RCHY1: variants seen among roughly 807,000 people sequenced by gnomAD.
RCHY1 encodes RING finger and CHY zinc finger domain-containing protein 1.
RCHY1 carries 21 observed loss-of-function variants against 41.6 expected under a neutral mutation model. That is an observed-to-expected ratio of 0.51 (90% CI 0.36 to 0.73). The LOEUF (loss-of-function observed/expected upper bound fraction) is 0.73, where lower values mean the gene tolerates loss of function less well. Among genes scored for constraint, RCHY1 ranks in the 30% least tolerant of loss-of-function variants. The pLI is 0.00. For synonymous variants in RCHY1, 79 were observed against 102.9 expected, an observed-to-expected ratio of 0.77 and a Z score of 1.41; for missense variants, 265 against 325.3, an observed-to-expected ratio of 0.81 and a Z score of 1.43.
At chr4:75,503,320 T>C (rs748572688) in intron 3 of RCHY1, among the ~76,000 whole-genome samples, 13 of 152,022 alleles carry the variant, frequency 8.6e-5, no homozygotes, top group Admixed American at 2.6e-4. Context: ...AAGCAATAAA[T>C]CAGATTATGA....
At chr4:75,491,569 G>A (rs2045863) in intron 7 of RCHY1, 42 bp downstream of exon 7, 947,518 of 1,561,580 alleles carry the variant, frequency 0.61, 289,718 homozygotes, top group African/African-American at 0.78. Flanking sequence ...ACACAAAAAA[G>A]TCAAACATCT....
chr4:75,502,902 GAGTCCGC>G (rs1723922727), intron 3 of RCHY1, among the ~76,000 whole-genome samples: 1 of 151,854 alleles, frequency 6.6e-6, no homozygotes, highest in Non-Finnish European at 1.5e-5. Flanking sequence ...AGGCATTAAA[GAGTCCGC>G]AGATACCTTC....
chr4:75,500,560 A>G (rs534225371), intron 3 of RCHY1, among the ~76,000 whole-genome samples: 2 of 152,324 alleles, frequency 1.3e-5, no homozygotes, highest in South Asian at 4.1e-4. Context: ...ATCAGGAATA[A>G]TACACTATTA....
At chr4:75,493,937 T>C (rs1166203938) in intron 4 of RCHY1, among the ~76,000 whole-genome samples, 164 bp downstream of exon 4, 4 of 151,846 alleles carry the variant, frequency 2.6e-5, no homozygotes, top group African/African-American at 7.2e-5. Context: ...TATTCTGAGG[T>C]ACATATTTTA....
At chr4:75,489,629 C>T (rs565206636) in intron 8 of RCHY1, among the ~76,000 whole-genome samples, 1 of 152,250 alleles carries the variant, frequency 6.6e-6, no homozygotes, top group African/African-American at 2.4e-5. Context: ...CACTGGAAGG[C>T]CTGTATACCT....
At chr4:75,506,868 G>T (rs755446859) in intron 3 of RCHY1, among the ~76,000 whole-genome samples, 1 of 151,940 alleles carries the variant, frequency 6.6e-6, no homozygotes, top group Non-Finnish European at 1.5e-5. Flanking sequence ...AACAACCAAT[G>T]ACTTAAAAAA....
intron 8 of RCHY1, 51 bp downstream of exon 8, chr4:75,490,530 T>TA (rs1247188724): frequency 2.0e-6 from 3 of 1,515,196 alleles, no homozygotes; most frequent in Non-Finnish European, 2.7e-6. Flanking sequence ...AGGGCAAAAA[T>TA]AAGAGTGCCA....
intron 6 of RCHY1, 27 bp from the exon 7 acceptor site, chr4:75,491,664 G>A: frequency 5.0e-6 from 8 of 1,600,548 alleles, no homozygotes; most frequent in African/African-American, 1.3e-5. Context: ...GATTATTTTA[G>A]TAAAACAAAA....
intron 8 of RCHY1, among the ~76,000 whole-genome samples, chr4:75,487,279 T>TG (rs59144786): frequency 6.7e-6 from 1 of 150,310 alleles, no homozygotes; most frequent in African/African-American, 2.4e-5. Context: ...TGTTTACTTT[T>TG]GGGTAAATTT....
chr4:75,495,508 G>A (rs1723118464), intron 3 of RCHY1, among the ~76,000 whole-genome samples: 1 of 151,976 alleles, frequency 6.6e-6, no homozygotes, highest in African/African-American at 2.4e-5. Context: ...GAACAGAAGA[G>A]ATACATGAAA....
At chr4:75,489,889 T>A (rs995033845) in intron 8 of RCHY1, among the ~76,000 whole-genome samples, 1 of 152,138 alleles carries the variant, frequency 6.6e-6, no homozygotes, top group Non-Finnish European at 1.5e-5. Flanking sequence ...AGGTTCATTA[T>A]CTCACATTTC....
intron 1 of RCHY1, 125 bp downstream of exon 1, chr4:75,514,072 G>C (rs1436620368): frequency 6.9e-7 from 1 of 1,443,434 alleles, no homozygotes; most frequent in African/African-American, 1.4e-5. Context: ...CCCAGTTCCA[G>C]GTGGAAAAGG....
rs1560513634 is a variant in RCHY1, at chr4:75,487,824, A to ATATATATTCATAATATATATATTC, written c.657+2756_657+2757insGAATATATATATTATGAATATATA. ...ATATATATTCATAATATATATTCAT[A>ATATATATTCATAATATATATATTC]ATATATATATTCATAATATATATTC... On this transcript the variant is annotated intron_variant, in intron 8 of 8. Coordinates refer to ENST00000324439, the MANE Select transcript of RCHY1 (RefSeq NM_015436.4). 7.7e-4 allele frequency among the ~76,000 whole-genome samples: 42 copies of ATATATATTCATAATATATATATTC among 54,528 alleles called. 3 individuals carry two copies. The highest frequency in any genetic ancestry group is 1.3e-3 in the Non-Finnish European group (33 of 25,944). 35.8% of individuals were successfully genotyped at this position (54,528 alleles called of 152,430 possible).
chr4:75,486,710 A>G (rs1722036459), intron 8 of RCHY1, among the ~76,000 whole-genome samples: 1 of 152,162 alleles, frequency 6.6e-6, no homozygotes, highest in Non-Finnish European at 1.5e-5. Context: ...AAAGGCATGT[A>G]TTTAAAAAAA....
Position 75,488,185 on chromosome 4 carries a change from T to C in RCHY1, c.657+2396A>G, listed in dbSNP as rs116568271. Among the ~76,000 whole-genome samples, 935 of 152,138 alleles carry C rather than the reference T, an allele frequency of 6.1e-3. 5 individuals are homozygous for C. Among genetic ancestry groups the C allele is most frequent in the African/African-American group, 0.021 (876 of 41,520 alleles). ...AAAATTATATGAGATTCTAAAATTC[T>C]TTATGTCGGGGTATATGCTATCAGT... On this transcript the variant is annotated intron_variant, in intron 8 of 8. Transcript: ENST00000324439.
In RCHY1 at chr4:75,491,805, T is replaced by A. The variant is rs757627792; in HGVS notation, c.451-23A>T. 8 of 1,610,722 alleles carry A rather than the reference T, an allele frequency of 5.0e-6. No individual in the cohort carries two copies. The African/African-American group carries it at 1.1e-4, about 22-fold the overall frequency. On this transcript the variant is annotated intron_variant, in intron 5 of 8. Transcript: ENST00000324439. ...GTCCTGTAAATGAAATAAATGTTAGTGCTTGTATGAAGACAATATAAACAT... is the reference window on the plus strand; with the variant it reads ...GTCCTGTAAATGAAATAAATGTTAGAGCTTGTATGAAGACAATATAAACAT...
upstream of RCHY1, chr4:75,514,432 C>A: frequency 1.1e-6 from 1 of 894,498 alleles, no homozygotes; most frequent in Non-Finnish European, 1.6e-6. Context: ...CCGGGGCAGA[C>A]GGATTTCCGG....
At chr4:75,490,790 G>T in intron 7 of RCHY1, 89 bp from the exon 8 acceptor site, 1 of 955,512 alleles carries the variant, frequency 1.0e-6, no homozygotes, top group Non-Finnish European at 1.5e-6. Flanking sequence ...ACTGCCACAT[G>T]AACCATTCAA....
intron 3 of RCHY1, among the ~76,000 whole-genome samples, chr4:75,494,817 T>G (rs1327640453): frequency 6.6e-6 from 1 of 151,862 alleles, no homozygotes; most frequent in Non-Finnish European, 1.5e-5. Context: ...CAACACTGCA[T>G]GAGAGTAACC....
Sources: gnomAD v4.1 joint callset for allele counts (sites outside exome capture counted in the v4.1 genomes callset) on GRCh38, gnomAD v4.1.1 for gene constraint, MANE v1.5 for transcripts, NCBI Gene and HGNC (gene_info 2026-07-23, HGNC 2026-07-21) for gene names.